Variants in DRC11 observed in about 807,000 individuals in gnomAD.
DRC11 encodes the protein dynein regulatory complex subunit 11.
At chr2:236,401,394 C>A in the DRC11 span, among the ~76,000 whole-genome samples, 1 of 152,212 alleles carries the variant, frequency 6.6e-6, no homozygotes, top group Admixed American at 6.5e-5. This position sits in a 1 kb window ranked among gnomAD's most constrained non-coding sequence, Gnocchi z 4.6. Context: ...AGGATTGTCA[C>A]TTCCTAAGAA....
the DRC11 span, chr2:236,331,461 C>T: frequency 6.2e-7 from 1 of 1,614,014 alleles, no homozygotes; most frequent in Non-Finnish European, 8.5e-7. The surrounding 1 kb of genome is among the most constrained non-coding windows in gnomAD (Gnocchi z 4.8). Context: ...GCCGGATTCT[C>T]TGATCTGTGA....
chr2:236,428,949 C>T, the DRC11 span, among the ~76,000 whole-genome samples: 1 of 152,178 alleles, frequency 6.6e-6, no homozygotes, highest in Non-Finnish European at 1.5e-5. Flanking sequence ...GGGTCAGTTA[C>T]TGAAAGTTTA....
chr2:236,343,560 G>A, the DRC11 span: 1 of 430,194 alleles, frequency 2.3e-6, no homozygotes, highest in Non-Finnish European at 4.5e-6. The surrounding 1 kb of genome is among the most constrained non-coding windows in gnomAD (Gnocchi z 6.6). Context: ...TGGTGGGAGA[G>A]GGAGTAGCCC....
chr2:236,333,917 G>A, the DRC11 span, among the ~76,000 whole-genome samples: 4 of 152,212 alleles, frequency 2.6e-5, no homozygotes, highest in African/African-American at 4.8e-5. This position sits in a 1 kb window ranked among gnomAD's most constrained non-coding sequence, Gnocchi z 6.0. Flanking sequence ...TTGGAGACCT[G>A]CAGTGAGACC....
At chr2:236,468,863 T>C in the DRC11 span, among the ~76,000 whole-genome samples, 4 of 152,268 alleles carry the variant, frequency 2.6e-5, no homozygotes, top group African/African-American at 9.6e-5. Flanking sequence ...ATCTACTGTA[T>C]AATGTATCAT....
At chr2:236,357,990 A>C in the DRC11 span, among the ~76,000 whole-genome samples, 2 of 114,118 alleles carry the variant, frequency 1.8e-5, no homozygotes, top group African/African-American at 3.5e-5. Flanking sequence ...ATATATAAAT[A>C]TATATGAATA....
chr2:236,345,092 G>A, the DRC11 span, among the ~76,000 whole-genome samples: 5 of 145,474 alleles, frequency 3.4e-5, no homozygotes, highest in African/African-American at 5.1e-5. Context: ...GGTGTGCAGA[G>A]CCCTGGTTGT....
the DRC11 span, chr2:236,367,823 C>A: frequency 3.7e-6 from 1 of 270,110 alleles, no homozygotes; most frequent in Non-Finnish European, 7.2e-6. This position sits in a 1 kb window ranked among gnomAD's most constrained non-coding sequence, Gnocchi z 4.8. Context: ...GAAAGGCTGC[C>A]TCTGTTTAGG....
the DRC11 span, among the ~76,000 whole-genome samples, chr2:236,395,823 T>G: frequency 6.6e-6 from 1 of 152,210 alleles, no homozygotes; most frequent in Non-Finnish European, 1.5e-5. Flanking sequence ...TCAGGGCATT[T>G]TAAACAAAAC....
At chr2:236,502,119 C>T in the DRC11 span, among the ~76,000 whole-genome samples, 1 of 152,174 alleles carries the variant, frequency 6.6e-6, no homozygotes, top group Admixed American at 6.5e-5. Flanking sequence ...AACCAGTGAC[C>T]CAATGGACCT....
At chr2:236,316,902 C>A in the DRC11 span, among the ~76,000 whole-genome samples, 2 of 152,190 alleles carry the variant, frequency 1.3e-5, no homozygotes, top group Non-Finnish European at 2.9e-5. The surrounding 1 kb of genome is among the most constrained non-coding windows in gnomAD (Gnocchi z 6.8). Flanking sequence ...GCTGTCTTCC[C>A]AGGCATATAC....
the DRC11 span, among the ~76,000 whole-genome samples, chr2:236,367,294 A>G: frequency 2.0e-5 from 3 of 148,156 alleles, no homozygotes; most frequent in Non-Finnish European, 4.5e-5. The surrounding 1 kb of genome is among the most constrained non-coding windows in gnomAD (Gnocchi z 4.8). Context: ...TATATATTAT[A>G]TAAAACATAT....
the DRC11 span, chr2:236,391,105 C>T: frequency 6.6e-6 from 1 of 152,168 alleles, no homozygotes; most frequent in African/African-American, 2.4e-5. The surrounding 1 kb of genome is among the most constrained non-coding windows in gnomAD (Gnocchi z 4.5). Context: ...TTACTTTCAT[C>T]TATGGATGGT....
the DRC11 span, among the ~76,000 whole-genome samples, chr2:236,459,622 T>C: frequency 1.1e-4 from 13 of 117,248 alleles, no homozygotes; most frequent in Admixed American, 1.6e-4. Flanking sequence ...TATAAGTATA[T>C]ACATACGTAT....
the DRC11 span, chr2:236,497,260 A>G: frequency 1.2e-6 from 2 of 1,613,798 alleles, no homozygotes; most frequent in East Asian, 2.2e-5. This position sits in a 1 kb window ranked among gnomAD's most constrained non-coding sequence, Gnocchi z 5.1. Context: ...GATGCGGCCC[A>G]TCACCCCGTC....
the DRC11 span, among the ~76,000 whole-genome samples, chr2:236,389,822 C>T: frequency 6.6e-6 from 1 of 152,078 alleles, no homozygotes; most frequent in Non-Finnish European, 1.5e-5. Flanking sequence ...TTATTGATTT[C>T]TAGTTTCATT....
the DRC11 span, among the ~76,000 whole-genome samples, chr2:236,357,785 TATATAC>T: frequency 6.3e-5 from 8 of 126,374 alleles, no homozygotes; most frequent in African/African-American, 1.3e-4. Flanking sequence ...ATATATGTTA[TATATAC>T]ATATACTATA....
chr2:236,311,732 G>A, the DRC11 span, among the ~76,000 whole-genome samples: 1 of 151,746 alleles, frequency 6.6e-6, no homozygotes, highest in Non-Finnish European at 1.5e-5. This position sits in a 1 kb window ranked among gnomAD's most constrained non-coding sequence, Gnocchi z 6.9. Context: ...GTGTGTGTGT[G>A]TGTGTTGGGG....
the DRC11 span, among the ~76,000 whole-genome samples, chr2:236,464,845 ACT>A: frequency 6.6e-6 from 1 of 151,280 alleles, no homozygotes; most frequent in South Asian, 2.1e-4. Flanking sequence ...CCAACCCCGC[ACT>A]CTCTCTTTGG....
Sources: allele counts gnomAD v4.1 joint callset (sites outside exome capture counted in the v4.1 genomes callset), GRCh38; gene constraint gnomAD v4.1.1; non-coding constraint Gnocchi (gnomAD v3.1); transcripts MANE v1.5; gene names NCBI Gene and HGNC (gene_info 2026-07-23, HGNC 2026-07-21).